The following ABCC12 variants were observed in gnomAD, a reference collection of about 807,000 sequenced individuals.
ABCC12 encodes the protein ATP binding cassette subfamily C member 12.
Under a neutral mutation model 151.1 loss-of-function variants are expected in ABCC12, and 142 were observed. The ratio of observed to expected loss-of-function variants is 0.94; its 90% CI spans 0.82 to 1.08. The LOEUF is 1.08. Among genes scored for constraint, ABCC12 ranks in the 50% least tolerant of loss-of-function variants. The pLI, the probability that ABCC12 is intolerant of heterozygous loss-of-function variation, is 0.00. For synonymous variants in ABCC12, 645 were observed against 646.4 expected (o/e 1.00, Z 0.03); for missense variants, 1,638 against 1,691.1 (o/e 0.97, Z 0.55).
At chr16:48,141,644 G>A (rs1964820581) in intron 4 of ABCC12, among the ~76,000 whole-genome samples, 2 of 152,182 alleles carry the variant, frequency 1.3e-5, no homozygotes, top group African/African-American at 4.8e-5. Context: ...CTTATAAGAA[G>A]GCAGAGGCAA....
In ABCC12 at chr16:48,121,850, C is replaced by A; in HGVS notation, c.1588-10G>T. The A allele has an allele frequency of 6.2e-7, 1 of 1,614,066 alleles. No homozygotes were observed. Among genetic ancestry groups the A allele is most frequent in the Non-Finnish European group, 8.5e-7 (1 of 1,179,964 alleles). On this transcript the variant is annotated splice_polypyrimidine_tract_variant and intron_variant, in intron 12 of 30. Transcript: ENST00000311303. ...CTTTCTGCAGCTGCATCTGGAACAACAAGACGGGAGAAGCTTCAGGAGCCA... is the reference window on the plus strand; with the variant it reads ...CTTTCTGCAGCTGCATCTGGAACAAAAAGACGGGAGAAGCTTCAGGAGCCA...
intron 13 of ABCC12, among the ~76,000 whole-genome samples, chr16:48,118,782 G>C (rs1192155119): frequency 6.6e-6 from 1 of 152,220 alleles, no homozygotes; most frequent in African/African-American, 2.4e-5. Context: ...CAGTTATGAT[G>C]AGGGGCCTTG....
intron 4 of ABCC12, 92 bp from the exon 5 acceptor site, chr16:48,141,445 G>T: frequency 6.7e-7 from 1 of 1,502,356 alleles, no homozygotes; most frequent in Non-Finnish European, 9.1e-7. Context: ...AAGGGTGCTC[G>T]GCAGAGCCCC....
chr16:48,117,468 G>T, intron 13 of ABCC12, 135 bp from the exon 14 acceptor site: 2 of 861,332 alleles, frequency 2.3e-6, no homozygotes, highest in African/African-American at 1.7e-5. Flanking sequence ...AGGCTCCCTG[G>T]CCAGTCGCTC....
chr16:48,144,360 C>T (rs1440097331), intron 3 of ABCC12, among the ~76,000 whole-genome samples: 1 of 152,058 alleles, frequency 6.6e-6, no homozygotes, highest in Non-Finnish European at 1.5e-5. Flanking sequence ...ATACTCAAAA[C>T]CCATCACTTC....
At chr16:48,153,101 C>G (rs1011332569) in intron 2 of ABCC12, among the ~76,000 whole-genome samples, 3 of 151,846 alleles carry the variant, frequency 2.0e-5, no homozygotes, top group Non-Finnish European at 2.9e-5. Flanking sequence ...CACTCCTGCT[C>G]TAAAAAAATA....
chr16:48,124,213 C>G lies in ABCC12; in HGVS notation c.1587G>C (p.Gln529His), dbSNP rs1478125148. The G allele has an allele frequency of 6.2e-7, 1 of 1,614,028 alleles. No individual in the cohort carries two copies. The change falls in exon 12 of 31, where the codon CAG becomes CAC. Residue 529 changes from glutamine (Q) to histidine (H), a missense_variant and splice_region_variant. Physicochemically the swap from Gln to His is conservative, Grantham distance 24. Coordinates refer to ENST00000311303, the MANE Select transcript of ABCC12 (RefSeq NM_001393797.1). ...TCACAGCACTCATCACACAGCTTAC[C>G]TGTCCTAGGAGAGCTGCAAGGAGGG... ...KSSLLAALLG[Q>H]MQLQKGVVAV...
chr16:48,085,835 A>AAAC lies in ABCC12; in HGVS notation c.3715-132_3715-130dup. ...ATTTTACTGTGGCAAAGAAAGTGCA[A>AAAC]AACAACAATCATTTCAATATTGCAA... On this transcript the variant is annotated intron_variant, in intron 28 of 30. Transcript: ENST00000311303. The AAAC allele has an allele frequency of 4.2e-6, 3 of 720,368 alleles. No individual in the cohort carries two copies. The South Asian group carries it at 5.1e-5, about 12-fold the overall frequency. The allele number at this position is 720,368 out of a possible 1,614,324, so 44.6% of individuals were successfully genotyped here.
intron 25 of ABCC12, among the ~76,000 whole-genome samples, chr16:48,089,855 C>T (rs1379104333): frequency 2.0e-5 from 3 of 152,078 alleles, no homozygotes; most frequent in African/African-American, 2.4e-5. Flanking sequence ...GATTTAAACA[C>T]GATTTTAAGT....
chr16:48,103,475 G>A (rs1314668374), intron 22 of ABCC12, among the ~76,000 whole-genome samples: 7 of 152,170 alleles, frequency 4.6e-5, no homozygotes, highest in African/African-American at 1.7e-4. Context: ...AAACAGGTGA[G>A]GCATATATTT....
intron 24 of ABCC12, among the ~76,000 whole-genome samples, chr16:48,094,070 T>C (rs75795001): frequency 0.024 from 3,660 of 152,274 alleles, 139 homozygotes; most frequent in African/African-American, 0.081. Context: ...GAAAACAATC[T>C]CATGGAAAGC....
At chr16:48,122,506 G>A (rs1161523064) in intron 12 of ABCC12, among the ~76,000 whole-genome samples, 1 of 152,180 alleles carries the variant, frequency 6.6e-6, no homozygotes, top group Non-Finnish European at 1.5e-5. Context: ...CTCATCGTGG[G>A]CATCCAATAG....
At chr16:48,120,236 A>T (rs1160021589) in intron 13 of ABCC12, among the ~76,000 whole-genome samples, 5 of 152,348 alleles carry the variant, frequency 3.3e-5, no homozygotes, top group Middle Eastern at 3.4e-3. Flanking sequence ...CAAATATCAC[A>T]TGTTCTCATT....
intron 20 of ABCC12, 63 bp from the exon 21 acceptor site, chr16:48,105,399 T>C: frequency 6.7e-7 from 1 of 1,484,952 alleles, no homozygotes; most frequent in South Asian, 1.2e-5. Context: ...AACAGGAATT[T>C]TCCGGAGAAT....
At chr16:48,142,311 G>A (rs1437228375) in intron 4 of ABCC12, among the ~76,000 whole-genome samples, 2 of 152,202 alleles carry the variant, frequency 1.3e-5, no homozygotes, top group East Asian at 1.9e-4. Context: ...GCTGTGGCCT[G>A]GAGATAGCCA....
At chr16:48,130,199 C>T (rs1660177508) in intron 10 of ABCC12, among the ~76,000 whole-genome samples, 1 of 152,178 alleles carries the variant, frequency 6.6e-6, no homozygotes, top group African/African-American at 2.4e-5. Context: ...ACTTTATTTG[C>T]CCTTCTCAAA....
chr16:48,155,459 G>C (rs1479384281), intron 1 of ABCC12, among the ~76,000 whole-genome samples: 1 of 151,096 alleles, frequency 6.6e-6, no homozygotes, highest in Non-Finnish European at 1.5e-5. Context: ...TTTTGGGGGG[G>C]AGGTATAAAT....
intron 9 of ABCC12, among the ~76,000 whole-genome samples, chr16:48,131,937 G>A (rs887767526): frequency 3.9e-5 from 6 of 152,182 alleles, no homozygotes; most frequent in Middle Eastern, 3.2e-3. Flanking sequence ...CTGACAGAGC[G>A]CATGGGCAGC....
In ABCC12 at chr16:48,122,264, G is replaced by A. The variant is rs1054200779; in HGVS notation, c.1588-424C>T. Among the ~76,000 whole-genome samples, 3 of 152,224 alleles carry A rather than the reference G, an allele frequency of 2.0e-5. No individual in the cohort carries two copies. In the East Asian group the frequency reaches 5.8e-4, roughly 29 times the overall value. ...CAGGGCACCACCTGCACGGCTGTGG[G>A]TGTTGGCCTTGGCACACCCCATCTT... On this transcript the variant is annotated intron_variant, in intron 12 of 30. Coordinates refer to ENST00000311303, the MANE Select transcript of ABCC12 (RefSeq NM_001393797.1).
Sources: allele counts gnomAD v4.1 joint callset (sites outside exome capture counted in the v4.1 genomes callset), GRCh38; gene constraint gnomAD v4.1.1; transcripts MANE v1.5; gene names NCBI Gene and HGNC (gene_info 2026-07-23, HGNC 2026-07-21).